The following ESRRG variants were observed in gnomAD, a reference collection of about 807,000 sequenced individuals.
The protein encoded by ESRRG is estrogen related receptor gamma, also known as estrogen-related receptor gamma.
Under a neutral mutation model 44.0 loss-of-function variants are expected in ESRRG, and 13 were observed. That is an observed-to-expected ratio of 0.30 (90% CI 0.19 to 0.47). The LOEUF (loss-of-function observed/expected upper bound fraction) is 0.47, where lower values mean the gene tolerates loss of function less well. Ranked by LOEUF, ESRRG falls within the 20% of genes least tolerant of loss-of-function variation. ESRRG has a pLI of 1.00. For synonymous variants in ESRRG, 215 were observed against 214.6 expected (o/e 1.00, Z -0.02); for missense variants, 395 against 580.6 (o/e 0.68, Z 3.29).
At chr1:217,098,441 C>T (rs940862788) in intron 1 of ESRRG, among the ~76,000 whole-genome samples, 1 of 152,170 alleles carries the variant, frequency 6.6e-6, no homozygotes, top group Non-Finnish European at 1.5e-5. Context: ...AAAAAGAAAG[C>T]TTAGCTTGCT....
chr1:216,685,898 A>G (rs1489127411), intron 1 of ESRRG, among the ~76,000 whole-genome samples: 1 of 152,192 alleles, frequency 6.6e-6, no homozygotes, highest in Non-Finnish European at 1.5e-5. Flanking sequence ...GGAACTCTAA[A>G]AGGTACTCTG....
At chr1:216,939,717 G>GAAAAAAA (rs34078475) in intron 1 of ESRRG, 2 of 139,090 alleles carry the variant, frequency 1.4e-5, no homozygotes, top group Non-Finnish European at 3.1e-5. Context: ...CCCAAAAAAG[G>GAAAAAAA]AAAAAAAAAA....
chr1:216,732,858 A>C (rs112152791), intron 2 of ESRRG, among the ~76,000 whole-genome samples: 8,324 of 92,002 alleles, frequency 0.09, 358 homozygotes, highest in African/African-American at 0.13. Flanking sequence ...AAGGGGGGGG[A>C]GGAGGGGGAC....
intron 1 of ESRRG, among the ~76,000 whole-genome samples, chr1:217,059,530 T>C (rs1367074904): frequency 1.3e-5 from 2 of 152,074 alleles, no homozygotes; most frequent in Non-Finnish European, 2.9e-5. Context: ...CTTAAATTGC[T>C]CCATGGCAGG....
chr1:216,547,419 C>T (rs572920018), intron 5 of ESRRG, among the ~76,000 whole-genome samples: 3 of 152,026 alleles, frequency 2.0e-5, no homozygotes, highest in African/African-American at 7.2e-5. Flanking sequence ...TCCATCACTG[C>T]TAACAAAAAA....
chr1:216,638,491 G>T (rs1408158578), intron 3 of ESRRG, among the ~76,000 whole-genome samples: 1 of 152,102 alleles, frequency 6.6e-6, no homozygotes, highest in Non-Finnish European at 1.5e-5. Context: ...CACATTTCAA[G>T]GGCTCAATCA....
chr1:217,031,785 G>A lies in ESRRG; in HGVS notation c.-106+57722C>T, dbSNP rs147890482. On this transcript the variant is annotated intron_variant, in intron 1 of 7. Transcript: ENST00000359162. ...CTGATGGTTTCATTAGGGGCTTCCC[G>A]CTTTGCTCAGCTATCATTCTTCTCC... 6.2e-3 allele frequency among the ~76,000 whole-genome samples: 941 copies of A among 152,304 alleles called. 7 individuals are homozygous for A. Among genetic ancestry groups the A allele is most frequent in the African/African-American group, 0.021 (882 of 41,552 alleles).
intron 1 of ESRRG, among the ~76,000 whole-genome samples, chr1:217,024,006 C>T (rs776389400): frequency 6.6e-6 from 1 of 152,194 alleles, no homozygotes; most frequent in Non-Finnish European, 1.5e-5. Context: ...ACATTTGAAA[C>T]ACAAAATGGT....
At chr1:216,812,884 C>T (rs1258197494) in intron 2 of ESRRG, among the ~76,000 whole-genome samples, 2 of 152,124 alleles carry the variant, frequency 1.3e-5, no homozygotes, top group Non-Finnish European at 2.9e-5. Context: ...ATTTTCTATG[C>T]CATATAGCAA....
chr1:217,110,947 C>A (rs1247870353), intron 1 of ESRRG, among the ~76,000 whole-genome samples: 2 of 152,190 alleles, frequency 1.3e-5, no homozygotes, highest in Non-Finnish European at 2.9e-5. Context: ...ATTTTACCTA[C>A]CTCGACTCTT....
intron 1 of ESRRG, among the ~76,000 whole-genome samples, chr1:217,081,305 G>A (rs11799516): frequency 0.076 from 9,401 of 123,266 alleles, 926 homozygotes; most frequent in African/African-American, 0.24. Context: ...TCGGCTCACC[G>A]CAACCTCCGA....
At chr1:216,850,967 T>C (rs865906438) in intron 2 of ESRRG, among the ~76,000 whole-genome samples, 3 of 150,868 alleles carry the variant, frequency 2.0e-5, no homozygotes, top group African/African-American at 7.3e-5. Flanking sequence ...TACGGCCCTC[T>C]AGAAATGTGT....
At position 216,651,409 on chromosome 1, in the gene ESRRG, G is replaced by C. The variant is rs561465619; in HGVS notation, c.473-320C>G. Among the ~76,000 whole-genome samples the C allele has an allele frequency of 5.9e-5, 9 of 152,260 alleles. No individual in the cohort carries two copies. The East Asian group carries it at 1.5e-3, about 26-fold the overall frequency. On this transcript the variant is annotated intron_variant, in intron 2 of 6. Transcript: ENST00000408911. The stretch of plus-strand genomic sequence containing the variant: ...ATGATCCAAAAGAAATTTCAAAATA[G>C]ATTATGTTCATGAAAACACAAATAT...
intron 3 of ESRRG, among the ~76,000 whole-genome samples, chr1:216,636,808 A>G (rs2065393082): frequency 6.6e-6 from 1 of 152,260 alleles, no homozygotes; most frequent in East Asian, 1.9e-4. Context: ...TCCTACCTTA[A>G]CAAAACTTTT....
rs1300845536 is a variant in ESRRG at position 216,952,273 on chromosome 1, TC to T, written c.-105-12601del. Among the ~76,000 whole-genome samples, 3 of 152,292 alleles carry T rather than the reference TC, an allele frequency of 2.0e-5. No homozygotes were observed. In the South Asian group the frequency reaches 6.2e-4, roughly 32 times the overall value. The stretch of plus-strand genomic sequence containing the variant: ...CTTCAGGAAAGGGTGATTTGTTTTC[TC>T]CCCTCAGTGCTGGCCCCAAAGTTCA... On this transcript the variant is annotated intron_variant, in intron 1 of 7. Transcript: ENST00000359162.
At chr1:217,014,451 C>T (rs979313092) in intron 1 of ESRRG, among the ~76,000 whole-genome samples, 21 of 152,170 alleles carry the variant, frequency 1.4e-4, no homozygotes, top group South Asian at 4.1e-4. Flanking sequence ...CTCTGTTCTG[C>T]ATATGGATTC....
At chr1:216,815,716 T>C (rs1360127716) in intron 2 of ESRRG, among the ~76,000 whole-genome samples, 1 of 152,172 alleles carries the variant, frequency 6.6e-6, no homozygotes, top group Non-Finnish European at 1.5e-5. Flanking sequence ...GGCTCAGATT[T>C]CCGCCGCACT....
At chr1:216,515,497 A>G (rs9803970) in intron 6 of ESRRG, among the ~76,000 whole-genome samples, 12,506 of 152,110 alleles carry the variant, frequency 0.082, 1,700 homozygotes, top group African/African-American at 0.28. Context: ...TTGAAATTAC[A>G]CAACTCTGCA....
chr1:216,525,517 CTTAAG>C (rs112712402), intron 5 of ESRRG, among the ~76,000 whole-genome samples: 52,313 of 151,792 alleles, frequency 0.34, 11,896 homozygotes, highest in African/African-American at 0.65. Flanking sequence ...GCTGAGCTGC[CTTAAG>C]TTAAAGAGGG....
Sources: allele counts gnomAD v4.1 joint callset (sites outside exome capture counted in the v4.1 genomes callset), GRCh38; gene constraint gnomAD v4.1.1; transcripts MANE v1.5; gene names NCBI Gene and HGNC (gene_info 2026-07-23, HGNC 2026-07-21).